The following CD207 variants were observed in gnomAD, a reference collection of about 807,000 sequenced individuals.
The protein encoded by CD207 is C-type lectin domain family 4 member K.
Under a neutral mutation model 31.6 loss-of-function variants are expected in CD207, and 28 were observed. That is an observed-to-expected ratio of 0.89 (90% confidence interval 0.66 to 1.21). The LOEUF is 1.21. Among genes scored for constraint, CD207 ranks in the 50% most tolerant of loss-of-function variants. The pLI, the probability that CD207 is intolerant of heterozygous loss-of-function variation, is 0.00. For synonymous variants in CD207, 168 were observed against 153.9 expected (o/e 1.09, Z -0.68); for missense variants, 388 against 397.8 (o/e 0.98, Z 0.21).
chr2:70,825,741 A>G (rs782611715), downstream of CD207, among the ~76,000 whole-genome samples: 9 of 151,990 alleles, frequency 5.9e-5, no homozygotes, highest in Non-Finnish European at 1.0e-4. Flanking sequence ...GGGTCTCCCT[A>G]TGTTGCCCAG....
At chr2:70,834,678 C>T (rs965098914) in intron 2 of CD207, among the ~76,000 whole-genome samples, 5 of 152,174 alleles carry the variant, frequency 3.3e-5, no homozygotes, top group African/African-American at 4.8e-5. Flanking sequence ...GGCTCAAAGG[C>T]GAGCCCTGAG....
At chr2:70,834,848 A>C (rs1677569278) in intron 2 of CD207, among the ~76,000 whole-genome samples, 1 of 152,208 alleles carries the variant, frequency 6.6e-6, no homozygotes, top group African/African-American at 2.4e-5. Flanking sequence ...GAGCCCTGGC[A>C]GGAGGAAGAA....
At chr2:70,829,085 T>A (rs1677409909), downstream of CD207, among the ~76,000 whole-genome samples, 1 of 152,232 alleles carries the variant, frequency 6.6e-6, no homozygotes, top group African/African-American at 2.4e-5. Flanking sequence ...CTTCCTTTTG[T>A]TAACAGCCTC....
At chr2:70,824,467 C>G in the CD207 span, among the ~76,000 whole-genome samples, 1 of 151,828 alleles carries the variant, frequency 6.6e-6, no homozygotes, top group African/African-American at 2.4e-5. Flanking sequence ...GCAACAGCCA[C>G]ACAGCCCCCA....
intron 4 of CD207, among the ~76,000 whole-genome samples, chr2:70,832,048 A>C (rs1170560894): frequency 6.6e-6 from 1 of 152,132 alleles, no homozygotes; most frequent in Non-Finnish European, 1.5e-5. Context: ...CCTTTCTGCC[A>C]CTCAGGAAGC....
rs1677600644 is a variant in CD207, at chr2:70,835,704, C to T, written c.73G>A (p.Glu25Lys). The T allele has an allele frequency of 1.9e-6, 3 of 1,613,366 alleles. No individual in the cohort carries two copies. In the African/African-American group the frequency reaches 4.0e-5, roughly 22 times the overall value. The change falls in exon 1 of 6, where the codon GAG (glutamate) becomes AAG (lysine). Residue 25 changes from glutamate (E) to lysine (K), a missense_variant and splice_region_variant. Transcript: ENST00000410009. ...GGTTCTCAGCAGCGATGTGGCTTGCCTCGGGGCCAGAGGGAGATGTTCTGT... is the reference window on the plus strand; with the variant it reads ...GGTTCTCAGCAGCGATGTGGCTTGCTTCGGGGCCAGAGGGAGATGTTCTGT... ...DKQNISLWPR[E>K]PPPKSGPSLV...
At chr2:70,831,895 T>C in intron 4 of CD207, 76 bp from the exon 5 acceptor site, 1 of 964,568 alleles carries the variant, frequency 1.0e-6, no homozygotes, top group Non-Finnish European at 1.7e-6. Flanking sequence ...GTTCTTCACC[T>C]GCGCTCAGTG....
rs544252498 is a variant in CD207 at position 70,834,269 on chromosome 2, G to A, written c.191-249C>T. ...GAGATTGATAAAACACAGGCTCTCT[G>A]TGAAAAGATTTCACAGGCAAGCAGA... is the stretch of plus-strand genomic sequence containing the variant. On this transcript the variant is annotated intron_variant, in intron 2 of 5. Transcript: ENST00000410009. Among the ~76,000 whole-genome samples the A allele has an allele frequency of 4.1e-4, 63 of 152,140 alleles. 1 individual carries two copies. Among genetic ancestry groups the A allele is most frequent in the Admixed American group, 1.2e-3 (19 of 15,292 alleles).
chr2:70,827,046 A>G (rs1558625388), downstream of CD207, among the ~76,000 whole-genome samples: 1 of 151,038 alleles, frequency 6.6e-6, no homozygotes, highest in Non-Finnish European at 1.5e-5. Context: ...CTCACACCAC[A>G]CTCCAGCTAG....
chr2:70,835,372 A>G lies in CD207; in HGVS notation c.190+119T>C, dbSNP rs1369800856. 1.1e-5 allele frequency: 8 copies of G among 724,836 alleles called. No homozygotes were observed. In the African/African-American group the frequency reaches 1.4e-4, roughly 13 times the overall value. The allele number at this position is 724,836 out of a possible 1,614,324, so 44.9% of individuals were successfully genotyped here. On this transcript the variant is annotated intron_variant, in intron 2 of 5. Transcript: ENST00000410009. ...TGCACATGGAAAGAGGAGGAAGGAG[A>G]CAAATGAAAAAGCCACAGGCAGGAG...
rs782194035 is a variant in CD207 at position 70,833,986 on chromosome 2, C to G, written c.225G>C (p.Lys75Asn). Residue 75 changes from lysine (K) to asparagine (N), a missense_variant, in exon 3 of 6, where the codon AAG becomes AAC. Physicochemically the swap from Lys to Asn is moderately conservative, Grantham distance 94 (BLOSUM62 0). Coordinates refer to ENST00000410009, the MANE Select transcript of CD207 (RefSeq NM_015717.5). ...PRFMGTISDV[K>N]TNVQLLKGRV... is the part of the protein sequence containing the mutation. ...GACCTTTCAGCAACTGGACATTGGT[C>G]TTTACATCTGATATGGTGCCCATAA... 35 of 1,525,458 alleles carry G rather than the reference C, an allele frequency of 2.3e-5. No individual in the cohort carries two copies. Among genetic ancestry groups the G allele is most frequent in the Non-Finnish European group, 3.1e-5 (35 of 1,137,932 alleles). The allele number at this position is 1,525,458 out of a possible 1,614,324, so 94.5% of individuals were successfully genotyped here.
intron 3 of CD207, 143 bp from the exon 4 acceptor site, chr2:70,833,194 A>G: frequency 1.4e-6 from 1 of 700,156 alleles, no homozygotes; most frequent in Non-Finnish European, 2.4e-6. Flanking sequence ...ATAGGAGATT[A>G]GGGACACTCT....
intron 5 of CD207, 43 bp from the exon 6 acceptor site, chr2:70,831,243 T>C (rs782204842): frequency 6.4e-7 from 1 of 1,571,778 alleles, no homozygotes; most frequent in South Asian, 1.2e-5. Flanking sequence ...AAGTGGAAAA[T>C]CAAAAAGAAC....
intron 2 of CD207, 56 bp downstream of exon 2, chr2:70,835,435 G>A: frequency 7.9e-7 from 1 of 1,263,346 alleles, no homozygotes; most frequent in Non-Finnish European, 1.2e-6. Context: ...GATCTGAAGG[G>A]AGCCGGCTGG....
At chr2:70,827,097 C>T (rs1677363099), downstream of CD207, among the ~76,000 whole-genome samples, 1 of 152,170 alleles carries the variant, frequency 6.6e-6, no homozygotes, top group South Asian at 2.1e-4. Flanking sequence ...CACACTCCTT[C>T]TCTGCATTTT....
chr2:70,827,187 G>C (rs1431931336), downstream of CD207, among the ~76,000 whole-genome samples: 1 of 152,190 alleles, frequency 6.6e-6, no homozygotes, highest in Non-Finnish European at 1.5e-5. Context: ...CTCAGCTTAT[G>C]TGCCTCTTCC....
chr2:70,832,790 T>C, intron 4 of CD207, 110 bp downstream of exon 4: 1 of 1,062,676 alleles, frequency 9.4e-7, no homozygotes, highest in Non-Finnish European at 1.3e-6. Flanking sequence ...TCCTTCTTCA[T>C]TAGGTCATCA....
At chr2:70,827,795 CAATA>C (rs200663580), downstream of CD207, among the ~76,000 whole-genome samples, 1 of 91,772 alleles carries the variant, frequency 1.1e-5, no homozygotes, top group Admixed American at 1.0e-4. Context: ...TGAAGTGATT[CAATA>C]GATAGATAGA....
chr2:70,831,790 G>A lies in CD207; in HGVS notation c.747C>T (p.Leu249=), dbSNP rs782062043. The A allele has an allele frequency of 1.2e-6, 2 of 1,612,666 alleles. No homozygotes were observed. ...CTTTAGTCAGGCCAATCCAGTAGAT[G>A]AGTCCCCCCGCTGTTTTATACAGAA... is the stretch of plus-strand genomic sequence containing the variant. ...QEFLYKTAGG[L]IYWIGLTKAG... Residue 249 remains leucine (L), a synonymous_variant, in exon 5 of 6, where the codon CTC becomes CTT. Transcript: ENST00000410009.
Sources: allele counts gnomAD v4.1 joint callset (sites outside exome capture counted in the v4.1 genomes callset), GRCh38; gene constraint gnomAD v4.1.1; transcripts MANE v1.5; gene names NCBI Gene and HGNC (gene_info 2026-07-23, HGNC 2026-07-21).